HOOK3: variants seen among roughly 807,000 people sequenced by gnomAD.
The protein encoded by HOOK3 is hook microtubule tethering protein 3.
In HOOK3, 24 loss-of-function variants were observed where a neutral mutation model predicts 116.3. That is an observed-to-expected ratio of 0.21 (90% CI 0.15 to 0.29). The LOEUF (loss-of-function observed/expected upper bound fraction) is 0.29, where lower values mean the gene tolerates loss of function less well. HOOK3 is among the 10% of genes least tolerant of loss of function. The pLI is 1.00. For missense variants in HOOK3, 632 were observed against 830.2 expected (o/e 0.76, Z 2.93); for synonymous variants, 275 against 283.0 (o/e 0.97, Z 0.28).
chr8:42,919,877 G>A (rs1807622542), intron 2 of HOOK3, among the ~76,000 whole-genome samples: 2 of 152,224 alleles, frequency 1.3e-5, no homozygotes, highest in South Asian at 2.1e-4. Context: ...GTTGCAGTGA[G>A]TCGAGATGGC....
At chr8:43,003,260 A>G (rs1809412577) in intron 17 of HOOK3, among the ~76,000 whole-genome samples, 2 of 152,214 alleles carry the variant, frequency 1.3e-5, no homozygotes, top group East Asian at 1.9e-4. Flanking sequence ...GCCTCATGCT[A>G]TCCAGTTTGT....
At chr8:43,003,660 A>G (rs948033333) in intron 17 of HOOK3, among the ~76,000 whole-genome samples, 3 of 152,156 alleles carry the variant, frequency 2.0e-5, no homozygotes, top group African/African-American at 7.2e-5. Context: ...ATTCTCTCAT[A>G]GTTCTGGAGG....
intron 15 of HOOK3, among the ~76,000 whole-genome samples, chr8:42,987,534 T>C (rs887911869): frequency 1.1e-4 from 16 of 152,238 alleles, no homozygotes; most frequent in African/African-American, 3.4e-4. Context: ...AGCTCCCTCG[T>C]AATTGGATTG....
chr8:42,977,357 A>G (rs1186160953), intron 13 of HOOK3, among the ~76,000 whole-genome samples: 3 of 152,044 alleles, frequency 2.0e-5, no homozygotes, highest in Non-Finnish European at 2.9e-5. Context: ...AATACAACCA[A>G]CCACAGAAGG....
chr8:42,937,293 T>C (rs1346463558), intron 4 of HOOK3, among the ~76,000 whole-genome samples: 1 of 151,902 alleles, frequency 6.6e-6, no homozygotes, highest in Non-Finnish European at 1.5e-5. Flanking sequence ...TCTTTATTAG[T>C]CTGGCCAGTG....
At chr8:42,989,489 G>T (rs918432289) in intron 15 of HOOK3, among the ~76,000 whole-genome samples, 1 of 152,016 alleles carries the variant, frequency 6.6e-6, no homozygotes, top group African/African-American at 2.4e-5. Context: ...TACATAGTAG[G>T]TATATATATT....
At chr8:42,962,346 A>G (rs971444708) in intron 8 of HOOK3, among the ~76,000 whole-genome samples, 5 of 133,590 alleles carry the variant, frequency 3.7e-5, no homozygotes, top group Admixed American at 2.3e-4. Flanking sequence ...AAGCAGTCCT[A>G]CCAACTTGGC....
intron 6 of HOOK3, among the ~76,000 whole-genome samples, chr8:42,951,108 G>T (rs769270820): frequency 3.3e-5 from 5 of 151,716 alleles, no homozygotes; most frequent in East Asian, 1.9e-4. Context: ...TCACTCTGTC[G>T]TCCAGGCAAT....
chr8:42,968,006 A>T lies in HOOK3; in HGVS notation c.921-7A>T, dbSNP rs1188449182. Reference sequence around the variant, plus strand: ...TCTGATTTTTTTAATTTCCCATCTAATTCTAGACATTCTTCTGATAAAGTA... The same window carrying T: ...TCTGATTTTTTTAATTTCCCATCTATTTCTAGACATTCTTCTGATAAAGTA... On this transcript the variant is annotated splice_region_variant and splice_polypyrimidine_tract_variant and intron_variant, in intron 10 of 21. Coordinates refer to ENST00000307602, the MANE Select transcript of HOOK3 (RefSeq NM_032410.4). The T allele has an allele frequency of 3.4e-6, 5 of 1,468,788 alleles. No homozygotes were observed. In the East Asian group the frequency reaches 1.1e-4, roughly 33 times the overall value. 91.0% of individuals were successfully genotyped at this position (1,468,788 alleles called of 1,614,324 possible). A position where few individuals can be genotyped will look rare whatever the true frequency, so the allele number is the denominator to read the frequency against.
chr8:42,920,027 G>C (rs902172115), intron 2 of HOOK3, among the ~76,000 whole-genome samples: 14 of 152,096 alleles, frequency 9.2e-5, no homozygotes, highest in Middle Eastern at 3.4e-3. Context: ...ATTAAAATTA[G>C]TGGGCTTTTC....
At chr8:42,949,517 G>A (rs1479670970) in intron 5 of HOOK3, 2 of 152,164 alleles carry the variant, frequency 1.3e-5, no homozygotes, top group East Asian at 3.8e-4. Context: ...TAAAGCCTGG[G>A]ATTATACAAT....
At chr8:43,016,421 G>T (rs1221460447) in intron 21 of HOOK3, among the ~76,000 whole-genome samples, 1 of 152,068 alleles carries the variant, frequency 6.6e-6, no homozygotes, top group Non-Finnish European at 1.5e-5. Context: ...CGCCCGGCCA[G>T]AATAGTCCTA....
At chr8:42,937,352 A>ATTTTTTTTTT (rs35303192) in intron 4 of HOOK3, among the ~76,000 whole-genome samples, 2 of 113,926 alleles carry the variant, frequency 1.8e-5, no homozygotes, top group African/African-American at 6.5e-5. Flanking sequence ...GGATTCATTG[A>ATTTTTTTTTT]TTTTTTTTTT....
chr8:42,934,351 T>C (rs1280490073), intron 4 of HOOK3, among the ~76,000 whole-genome samples: 2 of 152,308 alleles, frequency 1.3e-5, no homozygotes, highest in Admixed American at 6.5e-5. Flanking sequence ...GTTTCTCTTA[T>C]CTCTATGAGA....
In HOOK3 at chr8:42,968,266, G is replaced by A. The variant is rs148711445; in HGVS notation, c.1122+52G>A. 1,312 of 1,268,108 alleles carry A rather than the reference G, an allele frequency of 1.0e-3. 9 individuals carry two copies. In the African/African-American group the frequency reaches 0.018, roughly 17 times the overall value. The allele number at this position is 1,268,108 out of a possible 1,614,324, so 78.6% of individuals were successfully genotyped here. A position where few individuals can be genotyped will look rare whatever the true frequency, so the allele number is the denominator to read the frequency against. ...TGGTTTCAGGCAAGCTCTCAGTTATGACATGTAGCTTACCAAAATTACTAA... is the reference window on the plus strand; with the variant it reads ...TGGTTTCAGGCAAGCTCTCAGTTATAACATGTAGCTTACCAAAATTACTAA... On this transcript the variant is annotated intron_variant, in intron 11 of 21. Transcript: ENST00000307602.
At chr8:43,003,144 A>G (rs1464702347) in intron 17 of HOOK3, among the ~76,000 whole-genome samples, 1 of 152,210 alleles carries the variant, frequency 6.6e-6, no homozygotes, top group East Asian at 1.9e-4. Flanking sequence ...ATAGCCTGTT[A>G]AAGTGTTACA....
intron 2 of HOOK3, among the ~76,000 whole-genome samples, chr8:42,912,171 G>C (rs768200971): frequency 3.3e-5 from 5 of 152,314 alleles, no homozygotes; most frequent in South Asian, 2.1e-4. Context: ...GGAAACATCA[G>C]TCCTTCTCAT....
chr8:42,907,955 A>G (rs1807346294), intron 2 of HOOK3, among the ~76,000 whole-genome samples: 1 of 152,190 alleles, frequency 6.6e-6, no homozygotes, highest in Non-Finnish European at 1.5e-5. Flanking sequence ...TAGACCTGGT[A>G]AATGAATACA....
chr8:42,939,528 C>A (rs1171484118), intron 4 of HOOK3, among the ~76,000 whole-genome samples: 1 of 143,182 alleles, frequency 7.0e-6, no homozygotes, highest in African/African-American at 2.6e-5. Flanking sequence ...GGGGGCTGAT[C>A]CCCCCACCTC....
Sources: allele counts gnomAD v4.1 joint callset (sites outside exome capture counted in the v4.1 genomes callset), GRCh38; gene constraint gnomAD v4.1.1; transcripts MANE v1.5; gene names NCBI Gene and HGNC (gene_info 2026-07-23, HGNC 2026-07-21).